Variants in PCDH15 observed in about 807,000 individuals in gnomAD.
The protein encoded by PCDH15 is protocadherin related 15.
In PCDH15, 129 loss-of-function variants were observed where a neutral mutation model predicts 178.5. The observed-to-expected ratio is 0.72, with a 90% confidence interval of 0.63 to 0.84. The LOEUF (loss-of-function observed/expected upper bound fraction) is 0.84, where lower values mean the gene tolerates loss of function less well. Among genes scored for constraint, PCDH15 ranks in the 40% least tolerant of loss-of-function variants. PCDH15 has a pLI of 0.00. For missense variants in PCDH15, 2,230 were observed against 2,099.9 expected (o/e 1.06, Z -1.21); for synonymous variants, 800 against 732.0 (o/e 1.09, Z -1.50).
chr10:54,948,471 A>G (rs772613507), intron 2 of PCDH15, among the ~76,000 whole-genome samples: 9 of 151,998 alleles, frequency 5.9e-5, no homozygotes, highest in Non-Finnish European at 1.2e-4. Flanking sequence ...ACAGCTAATG[A>G]GACATTATTT....
chr10:55,391,495 G>A (rs990631120), intron 2 of PCDH15, among the ~76,000 whole-genome samples: 19 of 151,426 alleles, frequency 1.3e-4, no homozygotes, highest in African/African-American at 2.4e-5. Flanking sequence ...CTTCTTTTTT[G>A]GGGGGTGGGG....
Position 55,009,505 on chromosome 10 carries a change from G to A in PCDH15, c.-79-112005C>T, listed in dbSNP as rs191826540. Among the ~76,000 whole-genome samples, 108 of 152,070 alleles carry A rather than the reference G, an allele frequency of 7.1e-4. 1 individual carries two copies. Among genetic ancestry groups the A allele is most frequent in the Non-Finnish European group, 5.4e-4 (37 of 67,962 alleles). On this transcript the variant is annotated intron_variant, in intron 2 of 5. Coordinates refer to the PCDH15 transcript ENST00000458638. ...GAGTTGTAGTTAGAGAAAATTCATA[G>A]AAGCCACCTTCTATTTCACTTATCG...
chr10:54,801,764 C>G (rs1952661684), upstream of PCDH15, among the ~76,000 whole-genome samples: 1 of 152,130 alleles, frequency 6.6e-6, no homozygotes, highest in Admixed American at 6.6e-5. Context: ...CAAAAGTACT[C>G]TTTAGATTTT....
chr10:55,524,709 T>C (rs1169190313), intron 2 of PCDH15, among the ~76,000 whole-genome samples: 1 of 151,632 alleles, frequency 6.6e-6, no homozygotes, highest in Non-Finnish European at 1.5e-5. Flanking sequence ...CAGAAAGCAC[T>C]GAGGTATTGG....
intron 1 of PCDH15, among the ~76,000 whole-genome samples, chr10:55,225,597 C>T (rs1202528662): frequency 1.3e-5 from 2 of 150,016 alleles, no homozygotes; most frequent in Admixed American, 6.7e-5. Context: ...TGCCTTTAAA[C>T]GATTGTGGGA....
chr10:55,617,217 A>G (rs1417917378), intron 2 of PCDH15, among the ~76,000 whole-genome samples: 1 of 152,074 alleles, frequency 6.6e-6, no homozygotes, highest in Non-Finnish European at 1.5e-5. Flanking sequence ...CCTGTATCAC[A>G]TTACACACTG....
At chr10:54,899,791 G>A (rs1451769162) in intron 2 of PCDH15, among the ~76,000 whole-genome samples, 4 of 151,948 alleles carry the variant, frequency 2.6e-5, no homozygotes, top group East Asian at 3.9e-4. Flanking sequence ...CACCGTGCCC[G>A]ACCAAAGATT....
At chr10:53,929,701 A>G (rs2084874147) in intron 25 of PCDH15, among the ~76,000 whole-genome samples, 1 of 152,192 alleles carries the variant, frequency 6.6e-6, no homozygotes, top group Non-Finnish European at 1.5e-5. Flanking sequence ...CTACAGCTAA[A>G]ACATAAAATG....
At chr10:54,189,372 C>T in intron 11 of PCDH15, 3 of 1,570,170 alleles carry the variant, frequency 1.9e-6, no homozygotes, top group Non-Finnish European at 2.6e-6. Context: ...ACAGGAACTC[C>T]ACTGGGTGGA....
intron 5 of PCDH15, among the ~76,000 whole-genome samples, chr10:54,356,697 A>G (rs1170201688): frequency 1.3e-5 from 2 of 152,020 alleles, no homozygotes; most frequent in East Asian, 3.9e-4. Flanking sequence ...ACAAAAAAAA[A>G]GCAAAAACTA....
intron 2 of PCDH15, among the ~76,000 whole-genome samples, chr10:55,368,571 TAC>T (rs1845421658): frequency 6.6e-6 from 1 of 152,144 alleles, no homozygotes; most frequent in African/African-American, 2.4e-5. Flanking sequence ...TCTGTTAAAG[TAC>T]ACAGTCTGAA....
intron 1 of PCDH15, among the ~76,000 whole-genome samples, chr10:55,282,411 T>A (rs1218684701): frequency 6.6e-6 from 1 of 152,242 alleles, no homozygotes; most frequent in Non-Finnish European, 1.5e-5. Flanking sequence ...TGACTGGATC[T>A]ATTTTACACT....
intron 2 of PCDH15, among the ~76,000 whole-genome samples, chr10:55,605,646 C>A (rs993436038): frequency 4.2e-5 from 6 of 143,220 alleles, no homozygotes; most frequent in African/African-American, 1.6e-4. Context: ...AGACAAAAAC[C>A]ACATGATTAT....
At chr10:54,014,862 T>A (rs1461004131) in intron 20 of PCDH15, among the ~76,000 whole-genome samples, 1 of 152,080 alleles carries the variant, frequency 6.6e-6, no homozygotes, top group Non-Finnish European at 1.5e-5. Context: ...GAGATAAGGA[T>A]GTCCTCTCTT....
intron 2 of PCDH15, among the ~76,000 whole-genome samples, chr10:55,598,750 G>A (rs1015687433): frequency 2.0e-5 from 3 of 151,648 alleles, no homozygotes; most frequent in African/African-American, 7.3e-5. Flanking sequence ...AAGCACACAA[G>A]CCCGTCACCC....
At chr10:54,331,397 G>A (rs768785810) in intron 6 of PCDH15, among the ~76,000 whole-genome samples, 5 of 151,702 alleles carry the variant, frequency 3.3e-5, no homozygotes, top group Non-Finnish European at 7.4e-5. Context: ...CTTGCAAATC[G>A]TTCTTGGATG....
intron 1 of PCDH15, among the ~76,000 whole-genome samples, chr10:54,763,979 A>G: frequency 6.6e-6 from 1 of 151,830 alleles, no homozygotes; most frequent in African/African-American, 2.4e-5. Flanking sequence ...AATTTTTAAA[A>G]GTAAAAAGGG....
At chr10:54,654,530 G>C (rs2094333757) in intron 2 of PCDH15, among the ~76,000 whole-genome samples, 1 of 152,178 alleles carries the variant, frequency 6.6e-6, no homozygotes, top group Non-Finnish European at 1.5e-5. Flanking sequence ...GCCATAGAGA[G>C]TGCACTTTCA....
chr10:54,002,466 A>G (rs2092204543), intron 20 of PCDH15, among the ~76,000 whole-genome samples: 1 of 152,160 alleles, frequency 6.6e-6, no homozygotes. Flanking sequence ...TTAACACATT[A>G]AAAACTTTGA....
Sources: gnomAD v4.1 joint callset for allele counts (sites outside exome capture counted in the v4.1 genomes callset) on GRCh38, gnomAD v4.1.1 for gene constraint, MANE v1.5 for transcripts, NCBI Gene and HGNC (gene_info 2026-07-23, HGNC 2026-07-21) for gene names.